TMEM108: variants seen among roughly 807,000 people sequenced by gnomAD.
TMEM108 encodes the protein transmembrane protein 108.
TMEM108 carries 12 observed loss-of-function variants against 35.1 expected under a neutral mutation model. The observed-to-expected ratio is 0.34, with a 90% CI of 0.22 to 0.55. TMEM108 has a LOEUF of 0.55. Among genes scored for constraint, TMEM108 ranks in the 20% least tolerant of loss-of-function variants. The pLI, the probability that TMEM108 is intolerant of heterozygous loss-of-function variation, is 0.89. For synonymous variants in TMEM108, 287 were observed against 308.6 expected, an observed-to-expected ratio of 0.93 and a Z score of 0.73; for missense variants, 680 against 753.3, an observed-to-expected ratio of 0.90 and a Z score of 1.14.
At chr3:133,042,447 C>T (rs1943286761) in intron 1 of TMEM108, among the ~76,000 whole-genome samples, 1 of 152,202 alleles carries the variant, frequency 6.6e-6, no homozygotes, top group Non-Finnish European at 1.5e-5. Flanking sequence ...ATTCACCTTT[C>T]TGAACCTTAC....
chr3:133,126,488 AAAAG>A (rs774637079), intron 2 of TMEM108, among the ~76,000 whole-genome samples: 72 of 152,022 alleles, frequency 4.7e-4, no homozygotes, highest in Non-Finnish European at 7.4e-4. Flanking sequence ...GAAAAAAAAA[AAAAG>A]AAAGTGGTGG....
intron 1 of TMEM108, among the ~76,000 whole-genome samples, chr3:133,039,894 C>G (rs1943252228): frequency 6.6e-6 from 1 of 152,076 alleles, no homozygotes; most frequent in African/African-American, 2.4e-5. Flanking sequence ...TAAAACACAC[C>G]CCATGCCTGT....
chr3:133,056,974 A>G (rs1041696470), intron 2 of TMEM108, among the ~76,000 whole-genome samples: 1 of 152,234 alleles, frequency 6.6e-6, no homozygotes, highest in Non-Finnish European at 1.5e-5. Context: ...CATTTAATAA[A>G]GTGCAACATG....
At chr3:133,057,451 A>ATC (rs2107679429) in intron 2 of TMEM108, among the ~76,000 whole-genome samples, 1 of 29,674 alleles carries the variant, frequency 3.4e-5, no homozygotes, top group African/African-American at 8.4e-5. Context: ...ATATATATAT[A>ATC]TATATATATA....
At chr3:133,173,281 T>C (rs558355608) in intron 2 of TMEM108, among the ~76,000 whole-genome samples, 2 of 152,342 alleles carry the variant, frequency 1.3e-5, no homozygotes, top group South Asian at 4.1e-4. Flanking sequence ...GAAAGTTCAG[T>C]AACTAATGAA....
chr3:133,046,148 A>T (rs578221196), intron 2 of TMEM108, 128 bp downstream of exon 2: 1 of 152,772 alleles, frequency 6.5e-6, no homozygotes, highest in South Asian at 2.1e-4. Context: ...AAAAGCCTTT[A>T]TTGATTCAAC....
At chr3:133,040,025 A>AT (rs911355807) in intron 1 of TMEM108, among the ~76,000 whole-genome samples, 3 of 152,158 alleles carry the variant, frequency 2.0e-5, no homozygotes, top group Non-Finnish European at 4.4e-5. Flanking sequence ...CGGAAATCAA[A>AT]TTTTGTCGGT....
At chr3:133,152,939 T>C (rs970803600) in intron 2 of TMEM108, among the ~76,000 whole-genome samples, 2 of 152,132 alleles carry the variant, frequency 1.3e-5, no homozygotes, top group African/African-American at 2.4e-5. Context: ...ACCTCTAGGC[T>C]GCAAAGAGCT....
At chr3:133,221,198 T>C (rs1945984706) in intron 2 of TMEM108, among the ~76,000 whole-genome samples, 2 of 152,174 alleles carry the variant, frequency 1.3e-5, no homozygotes, top group South Asian at 2.1e-4. Context: ...CTCTGGAGAA[T>C]GTAGGATGGG....
At chr3:133,310,674 C>A (rs1263575261) in intron 3 of TMEM108, among the ~76,000 whole-genome samples, 2 of 151,084 alleles carry the variant, frequency 1.3e-5, no homozygotes, top group African/African-American at 4.9e-5. Flanking sequence ...TTGACTCCGT[C>A]CAATTTGCCA....
chr3:133,336,406 T>G (rs760486450), intron 3 of TMEM108, among the ~76,000 whole-genome samples: 52 of 151,862 alleles, frequency 3.4e-4, no homozygotes, highest in Middle Eastern at 3.2e-3. Context: ...CTCATCAGAG[T>G]GGGATAGGGC....
At chr3:133,120,626 A>G (rs1410384579) in intron 2 of TMEM108, among the ~76,000 whole-genome samples, 1 of 152,180 alleles carries the variant, frequency 6.6e-6, no homozygotes, top group East Asian at 1.9e-4. Flanking sequence ...TCACTTTGTT[A>G]TACTTCTGTC....
At chr3:133,231,139 T>G (rs1015231559) in intron 3 of TMEM108, among the ~76,000 whole-genome samples, 1 of 152,180 alleles carries the variant, frequency 6.6e-6, no homozygotes, top group African/African-American at 2.4e-5. Context: ...TTTAAGACAT[T>G]TAGTCTGTGT....
intron 3 of TMEM108, among the ~76,000 whole-genome samples, chr3:133,368,991 A>G (rs1184913731): frequency 6.6e-6 from 1 of 152,122 alleles, no homozygotes; most frequent in East Asian, 1.9e-4. Flanking sequence ...GCATATTCCT[A>G]CCCTAAAAGC....
chr3:133,120,897 C>T (rs1183404564), intron 2 of TMEM108: 1 of 152,166 alleles, frequency 6.6e-6, no homozygotes, highest in African/African-American at 2.4e-5. Flanking sequence ...AACTGAGTCA[C>T]ACAAGGATAT....
chr3:133,369,074 C>G (rs925287395), intron 3 of TMEM108, among the ~76,000 whole-genome samples: 6 of 152,170 alleles, frequency 3.9e-5, no homozygotes, highest in African/African-American at 1.4e-4. Flanking sequence ...TGCCTGAAGT[C>G]TACAACTAGA....
At chr3:133,094,398 T>C (rs1469621204) in intron 2 of TMEM108, among the ~76,000 whole-genome samples, 3 of 152,034 alleles carry the variant, frequency 2.0e-5, no homozygotes, top group African/African-American at 4.8e-5. Flanking sequence ...CTGTTTTCTC[T>C]TCTAAAAAAT....
At chr3:133,290,616 A>G (rs1255686610) in intron 3 of TMEM108, among the ~76,000 whole-genome samples, 1 of 151,978 alleles carries the variant, frequency 6.6e-6, no homozygotes, top group African/African-American at 2.4e-5. Flanking sequence ...GTGAAACTGC[A>G]TCTGAAAAAA....
At chr3:133,160,946 C>T (rs898692690) in intron 2 of TMEM108, among the ~76,000 whole-genome samples, 1 of 152,180 alleles carries the variant, frequency 6.6e-6, no homozygotes, top group African/African-American at 2.4e-5. Flanking sequence ...CTAACTGGCC[C>T]TCCTGCTTAC....
Sources: gnomAD v4.1 joint callset for allele counts (sites outside exome capture counted in the v4.1 genomes callset) on GRCh38, gnomAD v4.1.1 for gene constraint, MANE v1.5 for transcripts, NCBI Gene and HGNC (gene_info 2026-07-23, HGNC 2026-07-21) for gene names.